BRCA1: variants seen among roughly 807,000 people sequenced by gnomAD.
BRCA1 encodes BRCA1 DNA repair associated.
Under a neutral mutation model 173.7 loss-of-function variants are expected in BRCA1, and 140 were observed. That is an observed-to-expected ratio of 0.81 (90% CI 0.70 to 0.93). The LOEUF (loss-of-function observed/expected upper bound fraction) is 0.93, where lower values mean the gene tolerates loss of function less well. Ranked by LOEUF, BRCA1 falls within the 40% of genes least tolerant of loss-of-function variation. The pLI, the probability that BRCA1 is intolerant of heterozygous loss-of-function variation, is 0.00. For synonymous variants in BRCA1, 662 were observed against 756.0 expected, an observed-to-expected ratio of 0.88 and a Z score of 2.04; for missense variants, 1,983 against 2,172.5, an observed-to-expected ratio of 0.91 and a Z score of 1.73.
At chr17:43,080,911 G>T (rs1469184232) in intron 12 of BRCA1, among the ~76,000 whole-genome samples, 1 of 151,802 alleles carries the variant, frequency 6.6e-6, no homozygotes, top group African/African-American at 2.4e-5. Flanking sequence ...TTAAAGAAAA[G>T]AAAAAATTAT....
Position 43,092,737 on chromosome 17 carries a change from C to T in BRCA1, c.2794G>A (p.Val932Ile), listed in dbSNP as rs762589415. 6.2e-7 allele frequency: 1 copy of T among 1,614,096 alleles called. No individual in the cohort carries two copies. The highest frequency in any genetic ancestry group is 1.1e-5 in the South Asian group (1 of 91,084). The change falls in exon 10 of 23, where the codon GTT becomes ATT. Residue 932 changes from valine (V) to isoleucine (I), a missense_variant. Transcript: ENST00000357654. ...TCAACTGGCTTATCTTTCTGACCAA[C>T]CACAGGAAAGCCTGCAGTGATATTA... The part of the protein sequence containing the change: ...TVNITAGFPV[V>I]GQKDKPVDNA...
rs2154463118 is a variant in BRCA1, at chr17:43,094,263, G to C, written c.1268C>G (p.Ser423Cys). Residue 423 changes from serine (S) to cysteine (C), a missense_variant, in exon 10 of 23, where the codon TCT becomes TGT. Ser to Cys is a moderately radical substitution (Grantham distance 112, BLOSUM62 -1). Transcript: ENST00000357654. The part of the protein sequence containing the change: ...LDVLNEVDEY[S>C]GSSEKIDLLA... ...TAAGTCTATTTTCTCTGAAGAACCA[G>C]AATATTCATCTACCTCATTTAGAAC... The C allele has an allele frequency of 6.2e-7, 1 of 1,614,070 alleles. No individual in the cohort carries two copies. The highest frequency in any genetic ancestry group is 8.5e-7 in the Non-Finnish European group (1 of 1,180,022).
At chr17:43,167,347 C>T (rs930567403) in intron 1 of BRCA1, 3 of 152,180 alleles carry the variant, frequency 2.0e-5, no homozygotes, top group East Asian at 1.9e-4. Flanking sequence ...CCAAGCTCCC[C>T]GAGTGAGCAA....
intron 1 of BRCA1, among the ~76,000 whole-genome samples, chr17:43,152,989 C>G (rs950674822): frequency 6.6e-6 from 1 of 152,036 alleles, no homozygotes; most frequent in African/African-American, 2.4e-5. Context: ...GAGCCGAGAT[C>G]TTGCCACTGC....
intron 1 of BRCA1, chr17:43,160,911 G>A (rs184993384): frequency 1.3e-5 from 2 of 152,262 alleles, no homozygotes; most frequent in African/African-American, 4.8e-5. Flanking sequence ...GCAGTAAGTA[G>A]GTTCCTATTA....
intron 8 of BRCA1, among the ~76,000 whole-genome samples, chr17:43,096,432 C>T (rs1329919948): frequency 6.9e-6 from 1 of 145,656 alleles, no homozygotes; most frequent in Non-Finnish European, 1.5e-5. Flanking sequence ...ATTAACCGGG[C>T]GTGGTGGTGT....
rs137888201 is a variant in BRCA1, at chr17:43,081,037, T to C, written c.4357+1367A>G. Reference sequence around the variant, plus strand: ...TCCAAAACAATTCAGAAATTAAGCATTTCAGTTACAGATCTCCAGAAAAAA... The same window carrying C: ...TCCAAAACAATTCAGAAATTAAGCACTTCAGTTACAGATCTCCAGAAAAAA... On this transcript the variant is annotated intron_variant, in intron 12 of 22. Coordinates refer to ENST00000357654, the MANE Select transcript of BRCA1 (RefSeq NM_007294.4). Among the ~76,000 whole-genome samples the C allele has an allele frequency of 6.6e-4, 101 of 152,308 alleles. No individual in the cohort carries two copies. In the Middle Eastern group the frequency reaches 0.014, roughly 21 times the overall value.
intron 1 of BRCA1, among the ~76,000 whole-genome samples, chr17:43,132,323 G>A (rs1422337254): frequency 1.3e-5 from 2 of 152,026 alleles, no homozygotes; most frequent in African/African-American, 4.8e-5. Flanking sequence ...ATGCTGACTC[G>A]GTGGCAGCTG....
rs1485157961 is a variant in BRCA1 at position 43,165,582 on chromosome 17, G to A, written c.-20+4544C>T. Among the ~76,000 whole-genome samples the A allele has an allele frequency of 6.1e-5, 9 of 148,244 alleles. No individual in the cohort carries two copies. The South Asian group carries it at 6.3e-4, about 10-fold the overall frequency. On this transcript the variant is annotated intron_variant, in intron 1 of 7. Transcript: ENST00000634433. ...TTTTTTTATAACATTTTTCTCTTTC[G>A]TGACTTTCGCAGACAATTCTTCGAT... is the stretch of plus-strand genomic sequence containing the variant.
chr17:43,088,049 G>A lies in BRCA1; in HGVS notation c.4185+2895C>T, dbSNP rs148353570. Among the ~76,000 whole-genome samples the A allele has an allele frequency of 2.8e-3, 429 of 152,238 alleles. 3 individuals carry two copies. The highest frequency in any genetic ancestry group is 9.8e-3 in the African/African-American group (406 of 41,536). ...TTACAGGTGTAAGCCACTGTGCCTA[G>A]CTTCCTGGATATATTTTAAAGATAA... On this transcript the variant is annotated intron_variant, in intron 11 of 22. Coordinates refer to ENST00000357654, the MANE Select transcript of BRCA1 (RefSeq NM_007294.4).
At chr17:43,067,436 A>C (rs2052141788) in intron 16 of BRCA1, 172 bp downstream of exon 16, 2 of 529,590 alleles carry the variant, frequency 3.8e-6, no homozygotes, top group African/African-American at 3.9e-5. Flanking sequence ...TTTATTTTTT[A>C]GTAGAGACGG....
intron 1 of BRCA1, among the ~76,000 whole-genome samples, chr17:43,153,365 C>T (rs2056175432): frequency 6.6e-6 from 1 of 152,320 alleles, no homozygotes; most frequent in Middle Eastern, 3.4e-3. Flanking sequence ...CTTATCTCTC[C>T]TCCTTTCCCA....
intron 11 of BRCA1, among the ~76,000 whole-genome samples, chr17:43,089,968 C>T (rs543339349): frequency 6.6e-6 from 1 of 151,640 alleles, no homozygotes; most frequent in South Asian, 2.1e-4. Context: ...GACTGCACTA[C>T]TCCATTCCAG....
At chr17:43,114,692 A>G (rs1485092573) in intron 3 of BRCA1, among the ~76,000 whole-genome samples, 1 of 152,084 alleles carries the variant, frequency 6.6e-6, no homozygotes, top group Admixed American at 6.6e-5. Flanking sequence ...ACTTTGCATC[A>G]TATACCTTTT....
At chr17:43,046,157 A>G (rs2050906991) in intron 22 of BRCA1, among the ~76,000 whole-genome samples, 1 of 148,538 alleles carries the variant, frequency 6.7e-6, no homozygotes. Context: ...TCCTGACCTC[A>G]GGTGATCCAC....
intron 16 of BRCA1, among the ~76,000 whole-genome samples, chr17:43,066,061 T>C (rs1014583081): frequency 2.8e-4 from 43 of 152,328 alleles, no homozygotes; most frequent in African/African-American, 1.0e-3. Context: ...AATCACTCCA[T>C]TGGAGAATAC....
At chr17:43,062,004 T>C (rs927197639) in intron 18 of BRCA1, among the ~76,000 whole-genome samples, 1 of 152,180 alleles carries the variant, frequency 6.6e-6, no homozygotes, top group Non-Finnish European at 1.5e-5. Context: ...CTGTTCTCAG[T>C]ATCATAAAGT....
chr17:43,138,681 A>G, intron 1 of BRCA1: 1 of 779,166 alleles, frequency 1.3e-6, no homozygotes, highest in South Asian at 1.3e-5. Context: ...GGAAGCACAC[A>G]TCAAGGCTCC....
Position 43,045,574 on chromosome 17 carries a change from C to A in BRCA1, c.*104G>T, listed in dbSNP as rs762641426. ...TACATAAAATATTTAGTAGCCAGGA[C>A]AGTAGAAGGACTGAAGAGTGAGAGG... On this transcript the variant is annotated 3_prime_UTR_variant, in exon 23 of 23. Coordinates refer to ENST00000357654, the MANE Select transcript of BRCA1 (RefSeq NM_007294.4). The A allele has an allele frequency of 1.0e-5, 15 of 1,497,266 alleles. No homozygotes were observed. The highest frequency in any genetic ancestry group is 1.4e-5 in the Non-Finnish European group (15 of 1,084,350). The allele number at this position is 1,497,266 out of a possible 1,614,324, so 92.7% of individuals were successfully genotyped here. A position where few individuals can be genotyped will look rare whatever the true frequency, so the allele number is the denominator to read the frequency against.
Sources: gnomAD v4.1 joint callset for allele counts (sites outside exome capture counted in the v4.1 genomes callset) on GRCh38, gnomAD v4.1.1 for gene constraint, MANE v1.5 for transcripts, NCBI Gene and HGNC (gene_info 2026-07-23, HGNC 2026-07-21) for gene names.